The following P4HB variants were observed in gnomAD, a reference collection of about 807,000 sequenced individuals.
P4HB encodes prolyl 4-hydroxylase subunit beta.
A neutral mutation model predicts 52.6 loss-of-function variants in P4HB; 20 were observed. The observed-to-expected ratio is 0.38, with a 90% CI of 0.27 to 0.55. P4HB has a LOEUF of 0.55. Ranked by LOEUF, P4HB falls within the 20% of genes least tolerant of loss-of-function variation. The probability of loss-of-function intolerance (pLI) is 0.74; values close to 1 mark genes in which losing one functional copy is unlikely to be tolerated. For synonymous variants in P4HB, 296 were observed against 277.9 expected, an observed-to-expected ratio of 1.07 and a Z score of -0.65; for missense variants, 601 against 669.2, an observed-to-expected ratio of 0.90 and a Z score of 1.12.
In P4HB at chr17:81,843,270, C is replaced by T. The variant is rs548528911; in HGVS notation, c.*742G>A. The stretch of plus-strand genomic sequence containing the variant: ...TCAGCTCCAGCATCCTTGGCCACCT[C>T]CCCACCCGGGAGTCAAGGGTCGTGG... On this transcript the variant is annotated 3_prime_UTR_variant, in exon 11 of 11. Coordinates refer to ENST00000331483, the MANE Select transcript of P4HB (RefSeq NM_000918.4). The T allele has an allele frequency of 5.1e-6, 2 of 388,892 alleles. No individual in the cohort carries two copies. The highest frequency in any genetic ancestry group is 2.1e-5 in the African/African-American group (1 of 48,606). The allele number at this position is 388,892 out of a possible 1,614,324, so 24.1% of individuals were successfully genotyped here.
intron 4 of P4HB, among the ~76,000 whole-genome samples, chr17:81,852,052 G>A (rs2038840416): frequency 6.6e-6 from 1 of 152,144 alleles, no homozygotes; most frequent in African/African-American, 2.4e-5. Context: ...GTGCGGTGGT[G>A]CACACCTGTG....
chr17:81,848,159 C>T (rs1567837379), intron 4 of P4HB, among the ~76,000 whole-genome samples: 1 of 152,180 alleles, frequency 6.6e-6, no homozygotes, highest in Non-Finnish European at 1.5e-5. Context: ...CTCGGCCTCC[C>T]AAAGTGCTGG....
intron 8 of P4HB, 42 bp downstream of exon 8, chr17:81,845,829 C>T: frequency 6.2e-7 from 1 of 1,613,978 alleles, no homozygotes; most frequent in East Asian, 2.2e-5. Flanking sequence ...TTGCGCGTGC[C>T]CTGGTGGCAC....
At chr17:81,858,984 C>A in intron 2 of P4HB, 197 bp downstream of exon 2, 4 of 591,742 alleles carry the variant, frequency 6.8e-6, no homozygotes, top group Non-Finnish European at 9.0e-6. Flanking sequence ...GTTCTCCATT[C>A]GAAGGTTCTT....
In P4HB at chr17:81,843,941, G is replaced by C; in HGVS notation, c.*71C>G. 8.7e-7 allele frequency: 1 copy of C among 1,143,622 alleles called. No individual in the cohort carries two copies. The highest frequency in any genetic ancestry group is 1.3e-6 in the Non-Finnish European group (1 of 752,956). 70.8% of individuals were successfully genotyped at this position (1,143,622 alleles called of 1,614,324 possible). A position where few individuals can be genotyped will look rare whatever the true frequency, so the allele number is the denominator to read the frequency against. The stretch of plus-strand genomic sequence containing the variant: ...TCCTTCAAGCGAGGCCGCAGGCTTC[G>C]GAGGCGTGCGCTGCTGCTGGGTGTG... On this transcript the variant is annotated 3_prime_UTR_variant, in exon 11 of 11. Coordinates refer to ENST00000331483, the MANE Select transcript of P4HB (RefSeq NM_000918.4).
intron 4 of P4HB, 95 bp from the exon 5 acceptor site, chr17:81,847,442 G>A: frequency 9.8e-7 from 1 of 1,020,496 alleles, no homozygotes; most frequent in Non-Finnish European, 1.6e-6. Context: ...ACAGCAGCCA[G>A]CAGCCCTGCC....
intron 4 of P4HB, among the ~76,000 whole-genome samples, chr17:81,852,514 G>A (rs1179469765): frequency 2.0e-5 from 3 of 152,220 alleles, no homozygotes; most frequent in Non-Finnish European, 2.9e-5. Context: ...CCCCTACCAC[G>A]TGCACCGGAC....
chr17:81,846,869 G>A lies in P4HB; in HGVS notation c.855+78C>T. ...CAGTCCAGCAGGCAGCCTCAGGAAG[G>A]CCCCACACTTGTCACCTCGGGAAGA... On this transcript the variant is annotated intron_variant, in intron 6 of 10. Coordinates refer to ENST00000331483, the MANE Select transcript of P4HB (RefSeq NM_000918.4). This position sits in a 1 kb window ranked among gnomAD's most constrained non-coding sequence, Gnocchi z 5.7. 6.4e-7 allele frequency: 1 copy of A among 1,559,338 alleles called. No homozygotes were observed. Among genetic ancestry groups the A allele is most frequent in the Non-Finnish European group, 8.8e-7 (1 of 1,137,074 alleles).
Position 81,855,838 on chromosome 17 carries a change from C to G in P4HB, c.353-252G>C, listed in dbSNP as rs2038905347. On this transcript the variant is annotated intron_variant, in intron 2 of 10. Coordinates refer to ENST00000331483, the MANE Select transcript of P4HB (RefSeq NM_000918.4). This position sits in a 1 kb window ranked among gnomAD's most constrained non-coding sequence, Gnocchi z 4.3. ...TGATTCTGTCTCTGAATAACAGGAT[C>G]ACAAACCCATTTTTTTTCTCTGATC... is the stretch of plus-strand genomic sequence containing the variant. 7.0e-6 allele frequency: 3 copies of G among 430,940 alleles called. No homozygotes were observed. Among genetic ancestry groups the G allele is most frequent in the Admixed American group, 8.1e-5 (2 of 24,666 alleles). 26.7% of individuals were successfully genotyped at this position (430,940 alleles called of 1,614,324 possible). A position where few individuals can be genotyped will look rare whatever the true frequency, so the allele number is the denominator to read the frequency against.
intron 1 of P4HB, 186 bp downstream of exon 1, chr17:81,860,141 G>A: frequency 2.2e-6 from 1 of 444,504 alleles, no homozygotes; most frequent in Non-Finnish European, 3.8e-6. Context: ...ACGGCCCCCC[G>A]GCTCCCAGCC....
chr17:81,850,787 A>C (rs1287966739), intron 4 of P4HB, among the ~76,000 whole-genome samples: 2 of 151,772 alleles, frequency 1.3e-5, no homozygotes, highest in Non-Finnish European at 2.9e-5. Flanking sequence ...CCAGCCAAAA[A>C]AATTTATTTT....
chr17:81,856,717 C>T (rs112261958), intron 2 of P4HB, among the ~76,000 whole-genome samples: 33,427 of 148,252 alleles, frequency 0.23, 4,125 homozygotes, highest in African/African-American at 0.33. Context: ...TGGCGCCATC[C>T]TGGCTCACTG....
At chr17:81,854,717 C>T (rs2038886131) in intron 4 of P4HB, among the ~76,000 whole-genome samples, 1 of 151,868 alleles carries the variant, frequency 6.6e-6, no homozygotes, top group Admixed American at 6.6e-5. Context: ...TAGTGCATGC[C>T]TGTAGTCCCA....
At chr17:81,856,938 ATGCC>A (rs1237894472) in intron 2 of P4HB, among the ~76,000 whole-genome samples, 1 of 151,612 alleles carries the variant, frequency 6.6e-6, no homozygotes, top group East Asian at 1.9e-4. Context: ...GTGAGCCACC[ATGCC>A]CGGCCAATTT....
intron 2 of P4HB, among the ~76,000 whole-genome samples, chr17:81,858,114 A>G (rs2038940357): frequency 6.6e-6 from 1 of 152,070 alleles, no homozygotes; most frequent in South Asian, 2.1e-4. Context: ...TCTACTAAAA[A>G]TACAAAAATT....
At position 81,846,481 on chromosome 17, in the gene P4HB, G is replaced by A. The variant is rs200458051; in HGVS notation, c.1004C>T (p.Thr335Met). The change falls in exon 7 of 11, where the codon ACG (threonine) becomes ATG (methionine). Residue 335 changes from threonine to methionine, a missense_variant. Thr to Met is a moderately conservative substitution (Grantham distance 81). Coordinates refer to ENST00000331483, the MANE Select transcript of P4HB (RefSeq NM_000918.4). The surrounding 1 kb of genome is among the most constrained non-coding windows in gnomAD (Gnocchi z 5.7). ...TKYKPESEELTAERITEFCHR... is the reference protein window; with the variant it reads ...TKYKPESEELMAERITEFCHR... ...GCAGAACTCTGTGATCCTCTCTGCC[G>A]TCAGCTCCTCCGATTCGGGCTTGTA... 103 of 1,613,702 alleles carry A rather than the reference G, an allele frequency of 6.4e-5. No individual in the cohort carries two copies. The highest frequency in any genetic ancestry group is 1.6e-4 in the Middle Eastern group (1 of 6,082).
chr17:81,845,344 C>T (rs1202039500), intron 9 of P4HB, 114 bp from the exon 10 acceptor site: 1 of 964,552 alleles, frequency 1.0e-6, no homozygotes, highest in African/African-American at 1.6e-5. Context: ...TGGCTCACAC[C>T]CGGAATCCAG....
Position 81,846,360 on chromosome 17 carries a change from G to T in P4HB, c.1056+69C>A. 1 of 1,402,864 alleles carries T rather than the reference G, an allele frequency of 7.1e-7. No homozygotes were observed. The highest frequency in any genetic ancestry group is 2.3e-5 in the East Asian group (1 of 43,916). 86.9% of individuals were successfully genotyped at this position (1,402,864 alleles called of 1,614,324 possible). A position where few individuals can be genotyped will look rare whatever the true frequency, so the allele number is the denominator to read the frequency against. ...CTTTGAGGACGAAGCCCAGGACACTGAGAGCCCAGAGACCCCAAGGTGGCG... is the reference window on the plus strand; with the variant it reads ...CTTTGAGGACGAAGCCCAGGACACTTAGAGCCCAGAGACCCCAAGGTGGCG... On this transcript the variant is annotated intron_variant, in intron 7 of 10. Transcript: ENST00000331483. The surrounding 1 kb of genome is among the most constrained non-coding windows in gnomAD (Gnocchi z 5.7).
At position 81,846,632 on chromosome 17, in the gene P4HB, G is replaced by C; in HGVS notation, c.856-3C>G. 6.2e-7 allele frequency: 1 copy of C among 1,613,348 alleles called. No homozygotes were observed. Among genetic ancestry groups the C allele is most frequent in the Non-Finnish European group, 8.5e-7 (1 of 1,179,852 alleles). On this transcript the variant is annotated splice_polypyrimidine_tract_variant and splice_region_variant and intron_variant, in intron 6 of 10. Transcript: ENST00000331483. The surrounding 1 kb of genome is among the most constrained non-coding windows in gnomAD (Gnocchi z 5.7). Reference sequence around the variant, plus strand: ...CTGTCGATGAAGATGAACAGGATCTGGGGGAGAAAAGGAGGTTGCACAGGT... The same window carrying C: ...CTGTCGATGAAGATGAACAGGATCTCGGGGAGAAAAGGAGGTTGCACAGGT...
Sources: allele counts gnomAD v4.1 joint callset (sites outside exome capture counted in the v4.1 genomes callset), GRCh38; gene constraint gnomAD v4.1.1; non-coding constraint Gnocchi (gnomAD v3.1); transcripts MANE v1.5; gene names NCBI Gene and HGNC (gene_info 2026-07-23, HGNC 2026-07-21).